AKAP13: variants seen among roughly 807,000 people sequenced by gnomAD.
AKAP13 encodes the protein A-kinase anchor protein 13.
Under a neutral mutation model 264.5 loss-of-function variants are expected in AKAP13, and 80 were observed. The observed-to-expected ratio is 0.30, with a 90% CI of 0.25 to 0.36. AKAP13 has a LOEUF of 0.36. Among genes scored for constraint, AKAP13 ranks in the 10% least tolerant of loss-of-function variants. The probability of loss-of-function intolerance (pLI) is 1.00; values close to 1 mark genes in which losing one functional copy is unlikely to be tolerated. For missense variants in AKAP13, 3,712 were observed against 3,435.2 expected, an observed-to-expected ratio of 1.08 and a Z score of -2.01; for synonymous variants, 1,380 against 1,250.2, an observed-to-expected ratio of 1.10 and a Z score of -2.19.
intron 2 of AKAP13, among the ~76,000 whole-genome samples, chr15:85,520,924 A>G (rs1046809811): frequency 1.3e-5 from 2 of 152,256 alleles, no homozygotes; most frequent in Non-Finnish European, 2.9e-5. Flanking sequence ...TACCCTTTCC[A>G]GGCAAGCCTG....
At chr15:85,505,086 C>A (rs1203786226) in intron 2 of AKAP13, among the ~76,000 whole-genome samples, 2 of 152,230 alleles carry the variant, frequency 1.3e-5, no homozygotes, top group Non-Finnish European at 2.9e-5. Context: ...GAAGAACTTA[C>A]ACTCTTACAA....
intron 2 of AKAP13, among the ~76,000 whole-genome samples, chr15:85,492,483 C>G (rs1305331128): frequency 1.3e-5 from 2 of 152,238 alleles, no homozygotes; most frequent in African/African-American, 2.4e-5. Flanking sequence ...TTTGCTTATT[C>G]TCTGTATTAC....
chr15:85,696,825 G>C (rs754475051), intron 17 of AKAP13, among the ~76,000 whole-genome samples: 2 of 152,238 alleles, frequency 1.3e-5, no homozygotes, highest in African/African-American at 2.4e-5. Flanking sequence ...CGGCCTCAGG[G>C]TATGTAGTGG....
Position 85,578,950 on chromosome 15 carries a change from GGACAGTCTTATGCCCTTAATGAT to G in AKAP13, c.888_910del (p.Leu297ThrfsTer30). The G allele has an allele frequency of 6.2e-7, 1 of 1,611,722 alleles. No homozygotes were observed. Among genetic ancestry groups the G allele is most frequent in the Non-Finnish European group, 8.5e-7 (1 of 1,178,248 alleles). On this transcript the variant is annotated frameshift_variant, in exon 7 of 37. Coordinates refer to ENST00000394518, the MANE Select transcript of AKAP13 (RefSeq NM_007200.5). LOFTEE classifies it high-confidence loss of function. ...CCTAGAAAACAAACCTCAAGCAGAT[GGACAGTCTTATGCCCTTAATGAT>G]GACAGCACAGGATCCTTCCAGTGCC...
At chr15:85,449,206 T>G (rs1226442818) in intron 1 of AKAP13, among the ~76,000 whole-genome samples, 1 of 152,152 alleles carries the variant, frequency 6.6e-6, no homozygotes, top group African/African-American at 2.4e-5. Flanking sequence ...TGGGATTGCC[T>G]TTCTGATTTG....
chr15:85,391,710 CT>C (rs2070865775), intron 1 of AKAP13, among the ~76,000 whole-genome samples: 1 of 151,936 alleles, frequency 6.6e-6, no homozygotes, highest in Non-Finnish European at 1.5e-5. Flanking sequence ...TTCCTGAACT[CT>C]TAGACTCAAG....
chr15:85,399,527 AAAAT>A (rs1256301409), intron 1 of AKAP13, among the ~76,000 whole-genome samples: 13 of 114,774 alleles, frequency 1.1e-4, no homozygotes, highest in South Asian at 4.9e-4. Context: ...AAAAAATAAA[AAAAT>A]AAAAAAATAA....
chr15:85,723,949 G>A (rs1397308209), intron 26 of AKAP13, among the ~76,000 whole-genome samples: 1 of 152,114 alleles, frequency 6.6e-6, no homozygotes, highest in Non-Finnish European at 1.5e-5. Flanking sequence ...AGTTAAAGAA[G>A]CTATGAGGCT....
intron 1 of AKAP13, among the ~76,000 whole-genome samples, chr15:85,459,762 G>A (rs935186530): frequency 6.6e-6 from 1 of 152,160 alleles, no homozygotes; most frequent in African/African-American, 2.4e-5. Context: ...GCCTCCCAAA[G>A]TGCTGGGATT....
At chr15:85,454,448 G>C (rs746724411) in intron 1 of AKAP13, among the ~76,000 whole-genome samples, 2 of 152,146 alleles carry the variant, frequency 1.3e-5, no homozygotes, top group African/African-American at 2.4e-5. Context: ...GTTGCTCCCA[G>C]GTGCGCTGTT....
intron 23 of AKAP13, among the ~76,000 whole-genome samples, chr15:85,719,667 G>T (rs1250171365): frequency 6.6e-6 from 1 of 152,170 alleles, no homozygotes; most frequent in Non-Finnish European, 1.5e-5. Flanking sequence ...CAGGCACAGT[G>T]GCTCATGCCT....
chr15:85,643,791 A>G (rs912994326), intron 9 of AKAP13, among the ~76,000 whole-genome samples: 4 of 152,000 alleles, frequency 2.6e-5, no homozygotes, highest in African/African-American at 9.7e-5. Context: ...CTTTAGGCAC[A>G]TTTTCTTCAA....
intron 8 of AKAP13, among the ~76,000 whole-genome samples, chr15:85,628,391 G>A (rs527315827): frequency 1.3e-5 from 2 of 152,332 alleles, no homozygotes; most frequent in South Asian, 4.1e-4. Context: ...ATAGTGTTAA[G>A]AAGCCGCCTT....
intron 8 of AKAP13, among the ~76,000 whole-genome samples, chr15:85,616,493 G>T (rs1409671072): frequency 1.3e-5 from 2 of 152,174 alleles, no homozygotes; most frequent in African/African-American, 4.8e-5. Flanking sequence ...AAAGAATCTG[G>T]GACCATTTGT....
At position 85,579,561 on chromosome 15, in the gene AKAP13, T is replaced by C. The variant is rs1436851002; in HGVS notation, c.1493T>C (p.Leu498Pro). The change falls in exon 7 of 37, where the codon CTT becomes CCT. Residue 498 changes from leucine to proline, a missense_variant. Coordinates refer to ENST00000394518, the MANE Select transcript of AKAP13 (RefSeq NM_007200.5). ...NPDATVWKNV[L>P]QGGESTKERF... ...GATGCCACTGTTTGGAAGAATGTGC[T>C]TCAGGGAGGGGAAAGTACAAAGGAA... The C allele has an allele frequency of 1.2e-6, 2 of 1,614,168 alleles. No homozygotes were observed. Among genetic ancestry groups the C allele is most frequent in the Non-Finnish European group, 1.7e-6 (2 of 1,180,018 alleles).
chr15:85,560,634 T>A (rs577888778), intron 5 of AKAP13, among the ~76,000 whole-genome samples: 3 of 150,764 alleles, frequency 2.0e-5, no homozygotes, highest in African/African-American at 7.3e-5. Flanking sequence ...ATTTCTATGG[T>A]CTTTATAAAT....
chr15:85,582,884 T>A (rs772831965), intron 7 of AKAP13: 1 of 985,434 alleles, frequency 1.0e-6, no homozygotes. Flanking sequence ...TTTATCTTGG[T>A]GAAGCAGCTG....
chr15:85,629,495 C>T (rs1191385462), intron 8 of AKAP13, among the ~76,000 whole-genome samples: 1 of 152,100 alleles, frequency 6.6e-6, no homozygotes, highest in Non-Finnish European at 1.5e-5. Context: ...CCACCATGAA[C>T]CATGCACTTA....
At position 85,669,702 on chromosome 15, in the gene AKAP13, T is replaced by C. The variant is rs1199778083; in HGVS notation, c.4993-20T>C. 7.7e-6 allele frequency: 12 copies of C among 1,549,582 alleles called. No individual in the cohort carries two copies. The highest frequency in any genetic ancestry group is 1.1e-5 in the South Asian group (1 of 89,624). ...GAGAGTATATGCTTACAACGTGTTC[T>C]TCACTTTTTTACTTCACAGATATGT... On this transcript the variant is annotated intron_variant, in intron 13 of 36. Coordinates refer to ENST00000394518, the MANE Select transcript of AKAP13 (RefSeq NM_007200.5).
Sources: gnomAD v4.1 joint callset for allele counts (sites outside exome capture counted in the v4.1 genomes callset) on GRCh38, gnomAD v4.1.1 for gene constraint, MANE v1.5 for transcripts, NCBI Gene and HGNC (gene_info 2026-07-23, HGNC 2026-07-21) for gene names.